Variants in PTDSS2 observed in about 807,000 individuals in gnomAD.
PTDSS2 encodes PSS-2.
In PTDSS2, 41 loss-of-function variants were observed where a neutral mutation model predicts 64.7. That is an observed-to-expected ratio of 0.63 (90% confidence interval 0.49 to 0.82). PTDSS2 has a LOEUF of 0.82. PTDSS2 is among the 40% of genes least tolerant of loss of function. PTDSS2 has a pLI of 0.00. For synonymous variants in PTDSS2, 297 were observed against 277.8 expected (o/e 1.07, Z -0.69); for missense variants, 485 against 650.0 (o/e 0.75, Z 2.76).
intron 2 of PTDSS2, among the ~76,000 whole-genome samples, chr11:471,458 G>A (rs1847425575): frequency 6.6e-6 from 1 of 152,278 alleles, no homozygotes; most frequent in Non-Finnish European, 1.5e-5. Flanking sequence ...TGTGTGGCCA[G>A]GTTAGAGTCC....
chr11:452,724 G>A (rs1381446704), intron 1 of PTDSS2, among the ~76,000 whole-genome samples: 2 of 152,154 alleles, frequency 1.3e-5, no homozygotes, highest in Non-Finnish European at 2.9e-5. Context: ...AGAGGAAGGA[G>A]CTTCACGCTT....
At chr11:478,282 C>T (rs930951681) in intron 3 of PTDSS2, among the ~76,000 whole-genome samples, 19 of 148,392 alleles carry the variant, frequency 1.3e-4, no homozygotes, top group African/African-American at 4.5e-4. Flanking sequence ...GAAACCCTAT[C>T]TCTACAAAAA....
Position 488,639 on chromosome 11 carries a change from G to T in PTDSS2, c.846G>T (p.Pro282=), listed in dbSNP as rs11600323. The stretch of plus-strand genomic sequence containing the variant: ...AGTGGCAGGGCCTCTGGAACATTCC[G>T]ACCTACAAGTACGTCGTGGGGGCTG... ...TYKWQGLWNI[P]TYKGKMKRIA... is the part of the protein sequence containing the mutation. The change falls in exon 8 of 12, where the codon CCG becomes CCT. Residue 282 remains proline, a synonymous_variant. Coordinates refer to ENST00000308020, the MANE Select transcript of PTDSS2 (RefSeq NM_030783.3). 1.9e-6 allele frequency: 3 copies of T among 1,611,220 alleles called. No individual in the cohort carries two copies. The highest frequency in any genetic ancestry group is 3.3e-5 in the Admixed American group (2 of 59,982).
Position 479,708 on chromosome 11 carries a change from C to A in PTDSS2, c.435+556C>A, listed in dbSNP as rs1163970160. Among the ~76,000 whole-genome samples the A allele has an allele frequency of 2.0e-5, 3 of 149,662 alleles. No individual in the cohort carries two copies. The South Asian group carries it at 6.4e-4, about 32-fold the overall frequency. The stretch of plus-strand genomic sequence containing the variant: ...AGTGTGACTGTGTGTGCTTCTTCCC[C>A]ATCCTGACCACATTCTGCAAGACGA... On this transcript the variant is annotated intron_variant, in intron 4 of 11. Transcript: ENST00000308020. This position sits in a 1 kb window ranked among gnomAD's most constrained non-coding sequence, Gnocchi z 4.2.
Position 487,443 on chromosome 11 carries a change from C to T in PTDSS2, c.594C>T (p.Pro198=), listed in dbSNP as rs369499273. The T allele has an allele frequency of 1.1e-5, 17 of 1,613,878 alleles. No individual in the cohort carries two copies. Among genetic ancestry groups the T allele is most frequent in the African/African-American group, 8.0e-5 (6 of 74,942 alleles). ...NIWDKLDGFV[P]AHFLGWYLKT... is the part of the protein sequence containing the mutation. ...AGGACAAGTTGGATGGCTTTGTTCC[C>T]GCGCACTTTCTTGGCTGGTACCTGA... The change falls in exon 6 of 12, where the codon CCC becomes CCT. Residue 198 remains proline, a synonymous_variant. Coordinates refer to ENST00000308020, the MANE Select transcript of PTDSS2 (RefSeq NM_030783.3).
intron 1 of PTDSS2, among the ~76,000 whole-genome samples, chr11:458,210 CTTTTTTTTTTTT>C (rs1226610880): frequency 6.9e-6 from 1 of 144,624 alleles, no homozygotes; most frequent in African/African-American, 2.5e-5. Flanking sequence ...TATTTTTTTT[CTTTTTTTTTTTT>C]GAGATTGAGT....
In PTDSS2 at chr11:489,713, C is replaced by G. The variant is rs372478316; in HGVS notation, c.1095C>G (p.Ile365Met). ...TGGGTGGCGTGGCCATGCGTGAGAT[C>G]TACGACTTCATGGATGACCCGTGAG... ...VNVGGVAMRE[I>M]YDFMDDPKPH... Residue 365 changes from isoleucine to methionine, a missense_variant, in exon 10 of 12, where the codon ATC (isoleucine) becomes ATG (methionine). By Grantham distance (10) the Ile-to-Met change is conservative (BLOSUM62 1). This residue lies in a region of PTDSS2 where 219 missense variants were observed against 257.3 expected (regional missense o/e 0.85). Coordinates refer to ENST00000308020, the MANE Select transcript of PTDSS2 (RefSeq NM_030783.3). 2 of 1,608,744 alleles carry G rather than the reference C, an allele frequency of 1.2e-6. No individual in the cohort carries two copies. Among genetic ancestry groups the G allele is most frequent in the African/African-American group, 2.7e-5 (2 of 74,968 alleles).
chr11:466,310 C>T (rs1413151610), intron 2 of PTDSS2, among the ~76,000 whole-genome samples: 1 of 151,492 alleles, frequency 6.6e-6, no homozygotes, highest in East Asian at 1.9e-4. Flanking sequence ...AGGAAACGTA[C>T]AATCACTGTG....
At chr11:471,363 A>G (rs1462296884) in intron 2 of PTDSS2, among the ~76,000 whole-genome samples, 4 of 152,336 alleles carry the variant, frequency 2.6e-5, no homozygotes, top group African/African-American at 9.6e-5. Context: ...CCAAAGTGCT[A>G]AGATTACAGG....
chr11:489,260 G>T, intron 8 of PTDSS2, 140 bp from the exon 9 acceptor site: 1 of 686,314 alleles, frequency 1.5e-6, no homozygotes, highest in Admixed American at 2.3e-5. Flanking sequence ...ATGGCACAGG[G>T]CGGGGCGGGG....
rs747858898 is a variant in PTDSS2 at position 462,673 on chromosome 11, G to A, written c.284+2385G>A. ...GAGTCCATTCTCATGGCCTGGACCC[G>A]CACTGCTGCACACCAGAAGCCCAGC... On this transcript the variant is annotated intron_variant, in intron 2 of 11. Coordinates refer to ENST00000308020, the MANE Select transcript of PTDSS2 (RefSeq NM_030783.3). The surrounding 1 kb of genome is among the most constrained non-coding windows in gnomAD (Gnocchi z 4.5). 6.6e-5 allele frequency among the ~76,000 whole-genome samples: 10 copies of A among 152,124 alleles called. No homozygotes were observed. Among genetic ancestry groups the A allele is most frequent in the East Asian group, 1.9e-4 (1 of 5,188 alleles).
chr11:473,408 C>T (rs1015396425), intron 2 of PTDSS2, among the ~76,000 whole-genome samples: 1 of 152,214 alleles, frequency 6.6e-6, no homozygotes, highest in African/African-American at 2.4e-5. Flanking sequence ...GCCTTCCCTC[C>T]TACGTGGGCT....
chr11:462,779 TGTC>T lies in PTDSS2; in HGVS notation c.284+2492_284+2494del, dbSNP rs1846952439. Among the ~76,000 whole-genome samples, 1 of 152,114 alleles carries T rather than the reference TGTC, an allele frequency of 6.6e-6. No homozygotes were observed. Among genetic ancestry groups the T allele is most frequent in the Non-Finnish European group, 1.5e-5 (1 of 68,006 alleles). ...GCACACAGGGTGCCCACACACAGGG[TGTC>T]CCCACACAGGGTGTCCAGAAGGCTG... On this transcript the variant is annotated intron_variant, in intron 2 of 11. Coordinates refer to ENST00000308020, the MANE Select transcript of PTDSS2 (RefSeq NM_030783.3). This position sits in a 1 kb window ranked among gnomAD's most constrained non-coding sequence, Gnocchi z 4.5.
At chr11:487,705 A>G (rs1336615416) in intron 6 of PTDSS2, among the ~76,000 whole-genome samples, 2 of 152,174 alleles carry the variant, frequency 1.3e-5, no homozygotes. Flanking sequence ...AAGAGGCGGC[A>G]GGGCAGGAAG....
chr11:450,542 T>A lies in PTDSS2; in HGVS notation c.87T>A (p.Pro29=). The A allele has an allele frequency of 8.1e-7, 1 of 1,242,080 alleles. No homozygotes were observed. The highest frequency in any genetic ancestry group is 1.0e-6 in the Non-Finnish European group (1 of 985,788). 76.9% of individuals were successfully genotyped at this position (1,242,080 alleles called of 1,614,324 possible). Residue 29 remains proline (P), a synonymous_variant, in exon 1 of 12, where the codon CCT becomes CCA. Transcript: ENST00000308020. ...PAGRASLEEP[P]DGPSAGQATG... ...GCAGGGCCTCGCTGGAGGAGCCGCC[T>A]GACGGGCCGTCTGCCGGCCAAGCCA... is the stretch of plus-strand genomic sequence containing the variant.
At position 468,322 on chromosome 11, in the gene PTDSS2, A is replaced by C. The variant is rs146516047; in HGVS notation, c.285-5573A>C. On this transcript the variant is annotated intron_variant, in intron 2 of 11. Coordinates refer to ENST00000308020, the MANE Select transcript of PTDSS2 (RefSeq NM_030783.3). ...CAGTTGTTTCCCGGGGAAAGGGGAG[A>C]GTGGATAGTAGAATGCAGCATTCGT... Among the ~76,000 whole-genome samples the C allele has an allele frequency of 1.8e-4, 27 of 152,246 alleles. No individual in the cohort carries two copies. The East Asian group carries it at 5.2e-3, about 29-fold the overall frequency.
chr11:450,874 C>T (rs1846288775), intron 1 of PTDSS2, among the ~76,000 whole-genome samples: 1 of 152,220 alleles, frequency 6.6e-6, no homozygotes, highest in East Asian at 1.9e-4. Context: ...CCTGGGCAGA[C>T]CCTCCCTGCG....
Position 462,751 on chromosome 11 carries a change from TCCGCACACAGGGTGC to T in PTDSS2, c.284+2466_284+2480del, listed in dbSNP as rs981713211. On this transcript the variant is annotated intron_variant, in intron 2 of 11. Coordinates refer to ENST00000308020, the MANE Select transcript of PTDSS2 (RefSeq NM_030783.3). This position sits in a 1 kb window ranked among gnomAD's most constrained non-coding sequence, Gnocchi z 4.5. ...ACGCAGGGTGTCCACACAGAGGGTG[TCCGCACACAGGGTGC>T]CCACACACAGGGTGTCCCCACACAG... 1.3e-5 allele frequency among the ~76,000 whole-genome samples: 2 copies of T among 152,046 alleles called. No homozygotes were observed. Among genetic ancestry groups the T allele is most frequent in the Non-Finnish European group, 2.9e-5 (2 of 67,976 alleles).
chr11:484,776 T>G, intron 4 of PTDSS2, among the ~76,000 whole-genome samples: 1 of 124,066 alleles, frequency 8.1e-6, no homozygotes, highest in Non-Finnish European at 1.6e-5. Context: ...CGGGTGTGTG[T>G]GCTGTGCGCA....
Sources: gnomAD v4.1 joint callset for allele counts (sites outside exome capture counted in the v4.1 genomes callset) on GRCh38, gnomAD v4.1.1 for gene constraint, gnomAD v4.1.1 regional missense constraint, Gnocchi (gnomAD v3.1) non-coding constraint, MANE v1.5 for transcripts, NCBI Gene and HGNC (gene_info 2026-07-23, HGNC 2026-07-21) for gene names.